PCDHA2: variants seen among roughly 807,000 people sequenced by gnomAD.
PCDHA2 encodes the protein protocadherin alpha-2.
A neutral mutation model predicts 66.0 loss-of-function variants in PCDHA2; 58 were observed. The ratio of observed to expected loss-of-function variants is 0.88; its 90% confidence interval spans 0.71 to 1.09. The LOEUF is 1.09. Ranked by LOEUF, PCDHA2 falls within the 50% of genes least tolerant of loss-of-function variation. The pLI, the probability that PCDHA2 is intolerant of heterozygous loss-of-function variation, is 0.00. For synonymous variants in PCDHA2, 634 were observed against 554.0 expected (o/e 1.14, Z -2.03); for missense variants, 1,267 against 1,242.3 (o/e 1.02, Z -0.30).
chr5:140,884,734 C>A (rs1198575388), intron 1 of PCDHA2: 5 of 1,445,332 alleles, frequency 3.5e-6, no homozygotes, highest in Non-Finnish European at 4.6e-6. Flanking sequence ...TTTAAGACAT[C>A]TTTCCTGCCA....
At chr5:140,810,592 A>G (rs1764690093) in intron 1 of PCDHA2, 1 of 152,102 alleles carries the variant, frequency 6.6e-6, no homozygotes, top group African/African-American at 2.4e-5. Flanking sequence ...TTTCTATTTT[A>G]TTTTGGCAAT....
chr5:140,804,813 T>C (rs994546744), intron 1 of PCDHA2: 3 of 321,794 alleles, frequency 9.3e-6, no homozygotes, highest in Non-Finnish European at 1.7e-5. Context: ...AGTAACCAAC[T>C]GAAACCTGGT....
intron 1 of PCDHA2, chr5:140,969,045 C>G: frequency 1.2e-6 from 2 of 1,614,090 alleles, no homozygotes. Flanking sequence ...TACAAACAAG[C>G]CAACAACAAT....
intron 1 of PCDHA2, chr5:140,825,001 T>A (rs2150137915): frequency 6.6e-6 from 1 of 152,108 alleles, no homozygotes; most frequent in Non-Finnish European, 1.5e-5. Context: ...TATACATGGT[T>A]TACTGTTCTA....
At chr5:140,803,138 A>G (rs782201569) in intron 1 of PCDHA2, 7 of 1,613,718 alleles carry the variant, frequency 4.3e-6, no homozygotes, top group East Asian at 2.2e-5. Flanking sequence ...GCCATCGCCT[A>G]CTGGTGCTGG....
intron 3 of PCDHA2, among the ~76,000 whole-genome samples, chr5:140,982,798 T>C (rs1310396823): frequency 2.0e-5 from 3 of 151,768 alleles, no homozygotes; most frequent in African/African-American, 7.3e-5. Flanking sequence ...TGTGTGCATG[T>C]GTGTGTGTGT....
intron 1 of PCDHA2, chr5:140,834,155 GT>G: frequency 3.7e-6 from 2 of 535,854 alleles, no homozygotes; most frequent in South Asian, 3.0e-5. Context: ...GTAATGGTTT[GT>G]AATTCTTACT....
intron 1 of PCDHA2, chr5:140,855,742 T>C (rs1239874184): frequency 3.2e-6 from 1 of 313,712 alleles, no homozygotes; most frequent in Admixed American, 4.7e-5. Flanking sequence ...AGAGACGTAA[T>C]GTGAGGCTTT....
At position 140,978,807 on chromosome 5, in the gene PCDHA2, A is replaced by G. The variant is rs1489269679; in HGVS notation, c.2389-142A>G. 3.3e-6 allele frequency: 5 copies of G among 1,494,726 alleles called. No individual in the cohort carries two copies. In the African/African-American group the frequency reaches 4.2e-5, roughly 12 times the overall value. The allele number at this position is 1,494,726 out of a possible 1,614,324, so 92.6% of individuals were successfully genotyped here. A position where few individuals can be genotyped will look rare whatever the true frequency, so the allele number is the denominator to read the frequency against. ...AAGTGCTATATATGTAGATATCATC[A>G]TAGAGTTACACATGAAATGGCTCAT... On this transcript the variant is annotated intron_variant, in intron 1 of 3. Coordinates refer to ENST00000526136, the MANE Select transcript of PCDHA2 (RefSeq NM_018905.3).
Position 140,884,467 on chromosome 5 carries a change from G to C in PCDHA2, c.2388+87115G>C, listed in dbSNP as rs199814121. 11 of 1,613,778 alleles carry C rather than the reference G, an allele frequency of 6.8e-6. No homozygotes were observed. The South Asian group carries it at 8.8e-5, about 13-fold the overall frequency. On this transcript the variant is annotated intron_variant, in intron 1 of 3. Transcript: ENST00000526136. ...CACCGCCCACCGAGGGCGCGTGCGC[G>C]CCGGGCAAGCCCACTCTAGTGTGCT...
At chr5:140,810,286 T>C (rs574497208) in intron 1 of PCDHA2, 28 of 152,374 alleles carry the variant, frequency 1.8e-4, no homozygotes, top group African/African-American at 6.0e-4. Flanking sequence ...AATAATGCCA[T>C]CATAAATATA....
At chr5:141,007,192 TGGTGGGGGCCAGAATATGC>T (rs1371127830) in intron 3 of PCDHA2, among the ~76,000 whole-genome samples, 1 of 151,894 alleles carries the variant, frequency 6.6e-6, no homozygotes, top group African/African-American at 2.4e-5. Flanking sequence ...AATGTTTTGA[TGGTGGGGGCCAGAATATGC>T]TGTCCCAAAA....
intron 1 of PCDHA2, chr5:140,813,683 A>C (rs1231151598): frequency 6.6e-6 from 1 of 152,204 alleles, no homozygotes; most frequent in African/African-American, 2.4e-5. Context: ...TTTAGGCTAC[A>C]CTCAATTTAT....
intron 1 of PCDHA2, chr5:140,868,465 T>A (rs1460620913): frequency 6.6e-6 from 1 of 152,416 alleles, no homozygotes; most frequent in Non-Finnish European, 1.5e-5. Context: ...AGAGCTGCTT[T>A]TATAAAACTT....
chr5:140,838,085 T>A (rs1166468292), intron 1 of PCDHA2, among the ~76,000 whole-genome samples: 6 of 64,192 alleles, frequency 9.3e-5, no homozygotes, highest in Non-Finnish European at 1.9e-4. Context: ...ATAGTGTGTG[T>A]GTGTGTGTGT....
intron 3 of PCDHA2, among the ~76,000 whole-genome samples, chr5:141,003,556 A>G (rs1183434751): frequency 6.6e-6 from 1 of 152,034 alleles, no homozygotes; most frequent in Non-Finnish European, 1.5e-5. Flanking sequence ...CAAGTGATCC[A>G]CCTGCCTCAG....
At chr5:140,972,001 A>G (rs2096512667) in intron 1 of PCDHA2, among the ~76,000 whole-genome samples, 1 of 152,202 alleles carries the variant, frequency 6.6e-6, no homozygotes, top group African/African-American at 2.4e-5. Context: ...CAATGTTTAT[A>G]TTCCCTTTTA....
intron 1 of PCDHA2, among the ~76,000 whole-genome samples, chr5:140,844,931 A>C (rs1262967576): frequency 6.7e-6 from 1 of 149,362 alleles, no homozygotes; most frequent in Non-Finnish European, 1.5e-5. Flanking sequence ...GAAGGGAATG[A>C]ACGATTTCTG....
chr5:141,000,913 A>G (rs967026969), intron 3 of PCDHA2, among the ~76,000 whole-genome samples: 1 of 152,218 alleles, frequency 6.6e-6, no homozygotes, highest in African/African-American at 2.4e-5. Context: ...GTCTCTAAAA[A>G]AAAAAATCCT....
Sources: allele counts gnomAD v4.1 joint callset (sites outside exome capture counted in the v4.1 genomes callset), GRCh38; gene constraint gnomAD v4.1.1; transcripts MANE v1.5; gene names NCBI Gene and HGNC (gene_info 2026-07-23, HGNC 2026-07-21).